The following ITGA9 variants were observed in gnomAD, a reference collection of about 807,000 sequenced individuals.
ITGA9 encodes integrin subunit alpha 9, also known as integrin alpha-9.
ITGA9 carries 56 observed loss-of-function variants against 127.8 expected under a neutral mutation model. The ratio of observed to expected loss-of-function variants is 0.44; its 90% CI spans 0.35 to 0.55. ITGA9 has a LOEUF of 0.55. ITGA9 is among the 20% of genes least tolerant of loss of function. ITGA9 has a pLI of 0.00. For synonymous variants in ITGA9, 508 were observed against 514.5 expected (o/e 0.99, Z 0.17); for missense variants, 1,196 against 1,347.1 (o/e 0.89, Z 1.76).
chr3:37,748,755 A>G, intron 22 of ITGA9: 1 of 616,542 alleles, frequency 1.6e-6, no homozygotes, highest in Non-Finnish European at 2.9e-6. Flanking sequence ...CTTAAAAAAA[A>G]AAAAAAAAAA....
intron 27 of ITGA9, chr3:37,808,576 C>A (rs538494367): frequency 6.6e-6 from 1 of 152,278 alleles, no homozygotes; most frequent in South Asian, 2.1e-4. Context: ...ACAAACTGCC[C>A]CCAAATTGAA....
chr3:37,510,313 T>A (rs1698889073), intron 8 of ITGA9, among the ~76,000 whole-genome samples: 1 of 152,186 alleles, frequency 6.6e-6, no homozygotes, highest in Non-Finnish European at 1.5e-5. Flanking sequence ...CAAGGATTAT[T>A]TAAAATGAAT....
intron 1 of ITGA9, among the ~76,000 whole-genome samples, chr3:37,464,628 C>T (rs1219791603): frequency 6.6e-6 from 1 of 152,152 alleles, no homozygotes; most frequent in Non-Finnish European, 1.5e-5. Context: ...AGGACTTAAA[C>T]CCTATGTTAC....
chr3:37,779,279 A>G (rs976523938), intron 24 of ITGA9, among the ~76,000 whole-genome samples: 4 of 151,928 alleles, frequency 2.6e-5, no homozygotes, highest in Admixed American at 2.0e-4. Context: ...TAACTTCTGT[A>G]TTTTTTGTAG....
intron 3 of ITGA9, among the ~76,000 whole-genome samples, chr3:37,480,984 G>A (rs946678761): frequency 3.3e-5 from 5 of 152,076 alleles, no homozygotes; most frequent in East Asian, 3.9e-4. Context: ...CCATTCCTAC[G>A]TCCCCCTGTG....
intron 15 of ITGA9, among the ~76,000 whole-genome samples, chr3:37,596,564 G>A (rs979691276): frequency 6.6e-6 from 1 of 152,154 alleles, no homozygotes; most frequent in African/African-American, 2.4e-5. Context: ...GCTTAAAGGG[G>A]AGTTAATGGA....
chr3:37,622,266 T>G (rs1700135617), intron 15 of ITGA9, among the ~76,000 whole-genome samples: 1 of 151,974 alleles, frequency 6.6e-6, no homozygotes, highest in Non-Finnish European at 1.5e-5. Flanking sequence ...TTTTTTGTAT[T>G]TTTTAGTAGA....
intron 17 of ITGA9, among the ~76,000 whole-genome samples, chr3:37,662,645 G>C (rs1404781193): frequency 6.6e-6 from 1 of 152,170 alleles, no homozygotes; most frequent in Non-Finnish European, 1.5e-5. Context: ...ACTTATGAGA[G>C]ATGTTGTGCT....
chr3:37,712,302 G>A (rs1344211834), intron 18 of ITGA9, among the ~76,000 whole-genome samples: 1 of 152,140 alleles, frequency 6.6e-6, no homozygotes, highest in Non-Finnish European at 1.5e-5. Context: ...AAACCCTCTG[G>A]TGAGCATCCC....
chr3:37,591,785 C>A (rs1399681247), intron 15 of ITGA9, among the ~76,000 whole-genome samples: 2 of 152,222 alleles, frequency 1.3e-5, no homozygotes, highest in African/African-American at 4.8e-5. Flanking sequence ...CTAACCCATC[C>A]CCAGCAGCAC....
At chr3:37,807,224 G>A (rs1211219126) in intron 27 of ITGA9, 1 of 152,226 alleles carries the variant, frequency 6.6e-6, no homozygotes, top group African/African-American at 2.4e-5. Flanking sequence ...TTCTTCCTCT[G>A]TAAAAAGGAG....
At chr3:37,574,395 G>A (rs781018459) in intron 15 of ITGA9, among the ~76,000 whole-genome samples, 1 of 152,196 alleles carries the variant, frequency 6.6e-6, no homozygotes, top group Non-Finnish European at 1.5e-5. Context: ...CTTTGGGTTA[G>A]GATCAAGTGT....
chr3:37,707,508 G>A (rs1701020004), intron 18 of ITGA9, among the ~76,000 whole-genome samples: 1 of 151,976 alleles, frequency 6.6e-6, no homozygotes, highest in Non-Finnish European at 1.5e-5. Flanking sequence ...GCCATTTTTT[G>A]TCATGCATCT....
chr3:37,790,641 G>T lies in ITGA9; in HGVS notation c.2889+5563G>T, dbSNP rs942779243. 3 of 212,712 alleles carry T rather than the reference G, an allele frequency of 1.4e-5. No homozygotes were observed. The South Asian group carries it at 2.6e-4, about 19-fold the overall frequency. 13.2% of individuals were successfully genotyped at this position (212,712 alleles called of 1,614,324 possible). ...GCCATAGATTCTTGAGGCTTTGCCT[G>T]GTTCACTAATGACAGGCTCCAGGGC... On this transcript the variant is annotated intron_variant, in intron 26 of 27. Transcript: ENST00000264741.
At chr3:37,545,281 C>A (rs1170170752) in intron 15 of ITGA9, among the ~76,000 whole-genome samples, 1 of 152,076 alleles carries the variant, frequency 6.6e-6, no homozygotes, top group African/African-American at 2.4e-5. Context: ...GGCTAGCAGA[C>A]AGTGGGGCCA....
chr3:37,557,340 C>T (rs1269199838), intron 15 of ITGA9, among the ~76,000 whole-genome samples: 3 of 152,178 alleles, frequency 2.0e-5, no homozygotes, highest in African/African-American at 7.2e-5. Flanking sequence ...TTCTGTTTTG[C>T]AGATGGGGAA....
chr3:37,470,257 G>A (rs191607795), intron 1 of ITGA9, among the ~76,000 whole-genome samples: 3 of 150,998 alleles, frequency 2.0e-5, no homozygotes, highest in African/African-American at 7.3e-5. Context: ...CTGGGTCAAA[G>A]GGTAGGTGCA....
intron 15 of ITGA9, among the ~76,000 whole-genome samples, chr3:37,614,103 A>C (rs1265273145): frequency 6.6e-6 from 1 of 152,120 alleles, no homozygotes; most frequent in Non-Finnish European, 1.5e-5. Flanking sequence ...TTTAGGTCTA[A>C]CATTTAAGTC....
At chr3:37,696,171 A>G (rs1195155862) in intron 18 of ITGA9, among the ~76,000 whole-genome samples, 2 of 152,168 alleles carry the variant, frequency 1.3e-5, no homozygotes, top group Non-Finnish European at 1.5e-5. Context: ...AGCTGGGCAC[A>G]TTGCTACTCT....
Sources: gnomAD v4.1 joint callset for allele counts (sites outside exome capture counted in the v4.1 genomes callset) on GRCh38, gnomAD v4.1.1 for gene constraint, MANE v1.5 for transcripts, NCBI Gene and HGNC (gene_info 2026-07-23, HGNC 2026-07-21) for gene names.